Variants in TTC39C observed in about 807,000 individuals in gnomAD.
TTC39C encodes tetratricopeptide repeat protein 39C.
A neutral mutation model predicts 76.3 loss-of-function variants in TTC39C; 33 were observed. That is an observed-to-expected ratio of 0.43 (90% CI 0.33 to 0.58). The LOEUF (loss-of-function observed/expected upper bound fraction) is 0.58. Ranked by LOEUF, TTC39C falls within the 20% of genes least tolerant of loss-of-function variation. TTC39C has a pLI of 0.04. For synonymous variants in TTC39C, 254 were observed against 260.6 expected (o/e 0.97, Z 0.24); for missense variants, 595 against 701.4 (o/e 0.85, Z 1.71).
intron 12 of TTC39C, 73 bp from the exon 13 acceptor site, chr18:24,131,809 C>G (rs1329090846): frequency 5.5e-6 from 7 of 1,268,500 alleles, no homozygotes; most frequent in Non-Finnish European, 7.9e-6. Flanking sequence ...ATTAACATAG[C>G]CTCCTATTAT....
intron 1 of TTC39C, among the ~76,000 whole-genome samples, chr18:24,046,025 G>T (rs1159227857): frequency 7.5e-6 from 1 of 134,078 alleles, no homozygotes; most frequent in South Asian, 2.6e-4. Flanking sequence ...TGCAAGCTCC[G>T]CCTCCTGGGT....
intron 6 of TTC39C, among the ~76,000 whole-genome samples, chr18:24,088,609 C>T (rs1158407366): frequency 2.0e-5 from 3 of 152,232 alleles, no homozygotes; most frequent in African/African-American, 4.8e-5. Flanking sequence ...AGAAGAGACA[C>T]AGCCCTCTCT....
intron 4 of TTC39C, among the ~76,000 whole-genome samples, chr18:24,078,632 T>C (rs566467147): frequency 2.6e-5 from 4 of 152,242 alleles, no homozygotes; most frequent in East Asian, 1.9e-4. Flanking sequence ...CAGGATGTGC[T>C]AATTTGCTCC....
intron 1 of TTC39C, among the ~76,000 whole-genome samples, chr18:24,045,908 TATATATA>T (rs2083866649): frequency 2.6e-5 from 1 of 38,564 alleles, no homozygotes; most frequent in East Asian, 7.1e-4. Context: ...TATATATATA[TATATATA>T]TATATATATA....
rs1356792634 is a variant in TTC39C, at chr18:24,125,434, G to A, written c.1304G>A (p.Arg435Gln). ...IEQFSVKKAE[R>Q]FRKQTPTKAL... is the part of the protein sequence containing the mutation. ...TATTCTGACTCCTTGCAGGCAGAGC[G>A]ATTTCGGAAGCAAACCCCAACCAAA... Residue 435 changes from arginine (R) to glutamine (Q), a missense_variant, in exon 10 of 14, where the codon CGA becomes CAA. Physicochemically the swap from Arg to Gln is conservative, Grantham distance 43 (BLOSUM62 1). Transcript: ENST00000317571. The A allele has an allele frequency of 2.5e-6, 4 of 1,614,150 alleles. No individual in the cohort carries two copies. The highest frequency in any genetic ancestry group is 2.2e-5 in the East Asian group (1 of 44,882).
intron 6 of TTC39C, among the ~76,000 whole-genome samples, chr18:24,102,277 A>G (rs1215373977): frequency 1.3e-5 from 2 of 152,122 alleles, no homozygotes; most frequent in African/African-American, 4.8e-5. Flanking sequence ...CATTTCCTCT[A>G]CCATTAGTGG....
intron 6 of TTC39C, among the ~76,000 whole-genome samples, chr18:24,091,319 G>A (rs759649669): frequency 1.3e-5 from 2 of 152,202 alleles, no homozygotes; most frequent in Non-Finnish European, 2.9e-5. Context: ...GTGCACATCT[G>A]TAGGCCCAGC....
chr18:24,111,432 A>C (rs970017978), intron 6 of TTC39C, among the ~76,000 whole-genome samples: 2 of 151,754 alleles, frequency 1.3e-5, no homozygotes, highest in African/African-American at 4.8e-5. Flanking sequence ...AGCCAGGCGC[A>C]GTGGCACATG....
chr18:24,132,416 C>G (rs1466629432), intron 13 of TTC39C, 69 bp from the exon 14 acceptor site: 4 of 1,397,690 alleles, frequency 2.9e-6, no homozygotes, highest in Non-Finnish European at 4.0e-6. Flanking sequence ...ATTGAGTGTG[C>G]TTTATACCAC....
At chr18:24,058,328 A>G (rs1179430986) in intron 1 of TTC39C, among the ~76,000 whole-genome samples, 5 of 152,184 alleles carry the variant, frequency 3.3e-5, no homozygotes, top group African/African-American at 1.2e-4. Flanking sequence ...AAAATTAATG[A>G]CAACTATATG....
intron 1 of TTC39C, among the ~76,000 whole-genome samples, chr18:24,017,115 T>A (rs920664095): frequency 6.6e-6 from 1 of 152,186 alleles, no homozygotes; most frequent in African/African-American, 2.4e-5. Flanking sequence ...AAGCCTTTTT[T>A]AGAGATGGTG....
chr18:24,045,911 ATATATATATATATATATTTTTTTTTTTT>A (rs2083868393), intron 1 of TTC39C, among the ~76,000 whole-genome samples: 1 of 25,722 alleles, frequency 3.9e-5, no homozygotes, highest in African/African-American at 1.7e-4. Context: ...ATATATATAT[ATATATATATATATATATTTTTTTTTTTT>A]TTTTTTTTTT....
intron 1 of TTC39C, among the ~76,000 whole-genome samples, chr18:24,031,256 C>A (rs868644376): frequency 1.4e-5 from 1 of 69,718 alleles, no homozygotes; most frequent in African/African-American, 3.2e-5. Context: ...CTGCGCCTGT[C>A]CTCCGAGGAT....
At chr18:24,025,140 A>AT (rs2083584210) in intron 1 of TTC39C, among the ~76,000 whole-genome samples, 1 of 152,172 alleles carries the variant, frequency 6.6e-6, no homozygotes, top group African/African-American at 2.4e-5. Flanking sequence ...AAGTGCTGGG[A>AT]TTACAGTCAT....
Position 24,043,519 on chromosome 18 carries a change from GAACC to G in TTC39C, c.168-20619_168-20616del, listed in dbSNP as rs201223198. On this transcript the variant is annotated intron_variant, in intron 1 of 13. Transcript: ENST00000317571. ...GAACAACTCAGGGTTTTCTGGTCAT[GAACC>G]AGGTTGGAGACACTGAGGCCAGATG... 3.2e-3 allele frequency among the ~76,000 whole-genome samples: 488 copies of G among 152,316 alleles called. 3 individuals carry two copies. Among genetic ancestry groups the G allele is most frequent in the African/African-American group, 0.011 (455 of 41,572 alleles).
intron 1 of TTC39C, among the ~76,000 whole-genome samples, chr18:24,033,900 A>C (rs1014955242): frequency 6.6e-6 from 1 of 152,190 alleles, no homozygotes; most frequent in Admixed American, 6.5e-5. Context: ...ACTCAAAGGG[A>C]TAATTGAAAG....
chr18:24,091,673 G>A (rs544956301), intron 6 of TTC39C, among the ~76,000 whole-genome samples: 1 of 152,068 alleles, frequency 6.6e-6, no homozygotes, highest in Non-Finnish European at 1.5e-5. Flanking sequence ...AATCAAGAAA[G>A]TGAAAAGACA....
chr18:24,103,835 G>C (rs2084709794), intron 6 of TTC39C, among the ~76,000 whole-genome samples: 1 of 151,362 alleles, frequency 6.6e-6, no homozygotes, highest in Non-Finnish European at 1.5e-5. Flanking sequence ...AAGTAACTTC[G>C]TTAGTAAAAT....
intron 1 of TTC39C, among the ~76,000 whole-genome samples, chr18:24,021,345 G>A (rs543078436): frequency 2.0e-5 from 3 of 152,094 alleles, no homozygotes; most frequent in Non-Finnish European, 2.9e-5. Context: ...ATTCTGTAAC[G>A]TGGGTCCGTT....
Sources: allele counts gnomAD v4.1 joint callset (sites outside exome capture counted in the v4.1 genomes callset), GRCh38; gene constraint gnomAD v4.1.1; transcripts MANE v1.5; gene names NCBI Gene and HGNC (gene_info 2026-07-23, HGNC 2026-07-21).